Variants in PDE4D observed in about 807,000 individuals in gnomAD.
PDE4D encodes 3',5'-cyclic-AMP phosphodiesterase 4D.
A neutral mutation model predicts 87.4 loss-of-function variants in PDE4D; 24 were observed. The ratio of observed to expected loss-of-function variants is 0.27; its 90% CI spans 0.20 to 0.39. The LOEUF (loss-of-function observed/expected upper bound fraction) is 0.39. PDE4D is among the 10% of genes least tolerant of loss of function. PDE4D has a pLI of 1.00. For synonymous variants in PDE4D, 384 were observed against 383.2 expected (o/e 1.00, Z -0.02); for missense variants, 714 against 1,041.0 (o/e 0.69, Z 4.32).
intron 3 of PDE4D, among the ~76,000 whole-genome samples, chr5:59,975,794 G>T (rs1761260629): frequency 1.3e-5 from 2 of 152,328 alleles, no homozygotes; most frequent in Admixed American, 6.5e-5. Flanking sequence ...GCTAAGTGCA[G>T]ACACTCTACT....
intron 1 of PDE4D, among the ~76,000 whole-genome samples, chr5:59,593,565 A>G (rs1414137069): frequency 1.3e-5 from 2 of 152,202 alleles, no homozygotes; most frequent in African/African-American, 4.8e-5. Context: ...CCTAACAACA[A>G]AAAAGCTGAA....
At chr5:60,507,143 A>G (rs969711840) in intron 1 of PDE4D, among the ~76,000 whole-genome samples, 1 of 152,036 alleles carries the variant, frequency 6.6e-6, no homozygotes, top group Non-Finnish European at 1.5e-5. Flanking sequence ...GCAGTGGCAC[A>G]ATCTCGGCTC....
rs1801416173 is a variant in PDE4D, at chr5:59,465,306, C to T, written c.456-249338G>A. 2.6e-5 allele frequency among the ~76,000 whole-genome samples: 4 copies of T among 152,200 alleles called. No homozygotes were observed. In the South Asian group the frequency reaches 8.3e-4, roughly 32 times the overall value. On this transcript the variant is annotated intron_variant, in intron 1 of 14. Coordinates refer to ENST00000340635, the MANE Select transcript of PDE4D (RefSeq NM_001104631.2). ...TCTCTTGCTTCTCCTACCACCATCA[C>T]CACCTACACCACCACTACCATCACC... is the stretch of plus-strand genomic sequence containing the variant.
At chr5:59,109,003 G>GTGTGTGTGT (rs1554071100) in intron 5 of PDE4D, among the ~76,000 whole-genome samples, 1 of 140,656 alleles carries the variant, frequency 7.1e-6, no homozygotes, top group South Asian at 2.3e-4. Flanking sequence ...GTGTGTGTGT[G>GTGTGTGTGT]GTGTAGGCCT....
At chr5:60,276,890 T>C (rs1452864432) in intron 1 of PDE4D, among the ~76,000 whole-genome samples, 1 of 152,032 alleles carries the variant, frequency 6.6e-6, no homozygotes, top group Non-Finnish European at 1.5e-5. Flanking sequence ...ATTTATATGA[T>C]ATACATTTTT....
chr5:59,463,519 C>T (rs1801088669), intron 1 of PDE4D, among the ~76,000 whole-genome samples: 1 of 152,204 alleles, frequency 6.6e-6, no homozygotes, highest in African/African-American at 2.4e-5. Context: ...CACTGAATCA[C>T]ATGCTCATTA....
chr5:60,317,721 A>T (rs540481787), intron 1 of PDE4D, among the ~76,000 whole-genome samples: 131 of 152,250 alleles, frequency 8.6e-4, no homozygotes, highest in African/African-American at 2.9e-3. Flanking sequence ...GAACATCTTT[A>T]TTTCTGCCTT....
intron 2 of PDE4D, among the ~76,000 whole-genome samples, chr5:60,110,157 G>A (rs1452449779): frequency 1.3e-5 from 2 of 151,864 alleles, no homozygotes. Context: ...CAACAAAAAC[G>A]AAAATAGTCA....
intron 2 of PDE4D, among the ~76,000 whole-genome samples, chr5:60,018,666 C>T (rs962786965): frequency 6.6e-6 from 1 of 151,846 alleles, no homozygotes; most frequent in Middle Eastern, 3.4e-3. Flanking sequence ...AAATAGAAAG[C>T]GGAAAAAAGC....
intron 1 of PDE4D, among the ~76,000 whole-genome samples, chr5:59,407,139 A>C (rs1398997219): frequency 6.6e-6 from 1 of 152,062 alleles, no homozygotes; most frequent in African/African-American, 2.4e-5. Context: ...GCCTGGTGGG[A>C]GGTGTCTGAG....
chr5:60,372,540 C>T (rs943403193), intron 1 of PDE4D: 3 of 152,262 alleles, frequency 2.0e-5, no homozygotes, highest in Non-Finnish European at 4.4e-5. Context: ...TTACCTCCCA[C>T]TTGCACCAAG....
chr5:60,248,697 C>G (rs1263701554), intron 1 of PDE4D, among the ~76,000 whole-genome samples: 1 of 151,896 alleles, frequency 6.6e-6, no homozygotes, highest in African/African-American at 2.4e-5. Context: ...TTTCTTATTC[C>G]CAAACAAGTA....
Position 59,093,026 on chromosome 5 carries a change from C to T in PDE4D, c.809-54055G>A, listed in dbSNP as rs115115715. Among the ~76,000 whole-genome samples the T allele has an allele frequency of 3.4e-3, 511 of 152,226 alleles. 3 individuals are homozygous for T. The highest frequency in any genetic ancestry group is 0.012 in the African/African-American group (491 of 41,538). On this transcript the variant is annotated intron_variant, in intron 5 of 14. Coordinates refer to ENST00000340635, the MANE Select transcript of PDE4D (RefSeq NM_001104631.2). ...AGTAAAGGAATAAAAACACAACACA[C>T]CCACCCACAAAGGCACAAATAATAA...
chr5:59,073,902 A>G (rs571918752), intron 5 of PDE4D, among the ~76,000 whole-genome samples: 30 of 152,202 alleles, frequency 2.0e-4, no homozygotes, highest in Non-Finnish European at 3.7e-4. Flanking sequence ...TCTTGAGACC[A>G]TAAGAGGATA....
intron 2 of PDE4D, among the ~76,000 whole-genome samples, chr5:60,073,916 C>T (rs552203735): frequency 6.6e-6 from 1 of 151,954 alleles, no homozygotes; most frequent in East Asian, 1.9e-4. Context: ...GATCTTCTCT[C>T]TTCTTCTTTA....
At chr5:60,290,904 G>T (rs1040650316) in intron 1 of PDE4D, among the ~76,000 whole-genome samples, 7 of 152,142 alleles carry the variant, frequency 4.6e-5, no homozygotes, top group Non-Finnish European at 5.9e-5. Flanking sequence ...TAGTGTATTT[G>T]TAACCCCCCA....
At chr5:59,829,935 TA>T (rs957704579) in intron 1 of PDE4D, among the ~76,000 whole-genome samples, 18 of 151,608 alleles carry the variant, frequency 1.2e-4, no homozygotes, top group African/African-American at 4.4e-4. Flanking sequence ...TTTTTAATTT[TA>T]AAAAAAATCT....
chr5:59,278,417 G>T (rs1028899034), intron 1 of PDE4D, among the ~76,000 whole-genome samples: 5 of 152,070 alleles, frequency 3.3e-5, no homozygotes, highest in African/African-American at 1.2e-4. Context: ...TTATTTCTCA[G>T]TATTTCCCTG....
At chr5:59,236,348 T>C (rs1756423164) in intron 1 of PDE4D, among the ~76,000 whole-genome samples, 1 of 152,210 alleles carries the variant, frequency 6.6e-6, no homozygotes, top group African/African-American at 2.4e-5. Flanking sequence ...CTTAGCTATT[T>C]CATCAATGAA....
Sources: gnomAD v4.1 joint callset for allele counts (sites outside exome capture counted in the v4.1 genomes callset) on GRCh38, gnomAD v4.1.1 for gene constraint, MANE v1.5 for transcripts, NCBI Gene and HGNC (gene_info 2026-07-23, HGNC 2026-07-21) for gene names.